AKAP13: variants seen among roughly 807,000 people sequenced by gnomAD.
AKAP13 encodes the protein A-kinase anchor protein 13.
Under a neutral mutation model 264.5 loss-of-function variants are expected in AKAP13, and 80 were observed. The observed-to-expected ratio is 0.30, with a 90% CI of 0.25 to 0.36. AKAP13 has a LOEUF of 0.36. AKAP13 is among the 10% of genes least tolerant of loss of function. AKAP13 has a pLI of 1.00. For synonymous variants in AKAP13, 1,380 were observed against 1,250.2 expected (o/e 1.10, Z -2.19); for missense variants, 3,712 against 3,435.2 (o/e 1.08, Z -2.01).
At chr15:85,707,033 T>C (rs917163202) in intron 17 of AKAP13, among the ~76,000 whole-genome samples, 1 of 152,166 alleles carries the variant, frequency 6.6e-6, no homozygotes, top group East Asian at 1.9e-4. Context: ...TGAGTTGATG[T>C]AGACAGGACC....
chr15:85,544,156 A>G (rs1046027612), intron 5 of AKAP13: 1 of 711,728 alleles, frequency 1.4e-6, no homozygotes, highest in Non-Finnish European at 2.5e-6. Context: ...AAGTCGTGTT[A>G]ACCATTTTCT....
intron 17 of AKAP13, among the ~76,000 whole-genome samples, chr15:85,701,434 G>GT (rs920286804): frequency 9.2e-5 from 14 of 151,694 alleles, no homozygotes; most frequent in Non-Finnish European, 1.3e-4. Flanking sequence ...TATTTGAGGG[G>GT]TTTTTTTTGT....
At chr15:85,596,140 C>G (rs1423774723) in intron 8 of AKAP13, among the ~76,000 whole-genome samples, 1 of 152,166 alleles carries the variant, frequency 6.6e-6, no homozygotes, top group Non-Finnish European at 1.5e-5. Context: ...AAATGCCTTT[C>G]ATAAAGTTCA....
chr15:85,580,527 C>G lies in AKAP13; in HGVS notation c.2459C>G (p.Thr820Arg). The G allele has an allele frequency of 6.2e-7, 1 of 1,614,214 alleles. No homozygotes were observed. The highest frequency in any genetic ancestry group is 8.5e-7 in the Non-Finnish European group (1 of 1,180,036). ...GGAACAGCAACTCCTGAACTACATA[C>G]AGCTACAGATTATAGAGATGGCCCA... ...EKGTATPELH[T>R]ATDYRDGPDG... The change falls in exon 7 of 37, where the codon ACA (threonine) becomes AGA (arginine). Residue 820 changes from threonine (T) to arginine (R), a missense_variant. By Grantham distance (71) the Thr-to-Arg change is moderately conservative (BLOSUM62 -1). This residue lies in a region of AKAP13 where 2,759 missense variants were observed against 2,411.7 expected (regional missense o/e 1.14). Transcript: ENST00000394518.
chr15:85,723,971 T>C (rs2087453784), intron 26 of AKAP13, among the ~76,000 whole-genome samples: 1 of 152,216 alleles, frequency 6.6e-6, no homozygotes, highest in Non-Finnish European at 1.5e-5. Flanking sequence ...GTTTTTTAAT[T>C]TATGTGTACA....
intron 8 of AKAP13, among the ~76,000 whole-genome samples, chr15:85,606,695 C>T (rs994776329): frequency 4.6e-5 from 7 of 152,224 alleles, no homozygotes; most frequent in East Asian, 1.9e-4. Context: ...AAGACTTTTC[C>T]GGTTTTGCCT....
intron 10 of AKAP13, among the ~76,000 whole-genome samples, chr15:85,650,782 A>AAAAAAAAAAC (rs2082786064): frequency 6.9e-6 from 1 of 145,176 alleles, no homozygotes. Context: ...AAAAAAAAAA[A>AAAAAAAAAAC]AAAAAAAACA....
intron 1 of AKAP13, among the ~76,000 whole-genome samples, chr15:85,401,461 A>G (rs2071417851): frequency 6.6e-6 from 1 of 152,212 alleles, no homozygotes; most frequent in African/African-American, 2.4e-5. Context: ...GGGCAAGGCC[A>G]GCTTTGATTT....
At chr15:85,416,137 G>A (rs2072234332) in intron 1 of AKAP13, among the ~76,000 whole-genome samples, 4 of 152,162 alleles carry the variant, frequency 2.6e-5, no homozygotes, top group Admixed American at 2.6e-4. Flanking sequence ...TAAAGAATAG[G>A]TTACTCTTTT....
At position 85,579,357 on chromosome 15, in the gene AKAP13, C is replaced by G. The variant is rs2079111724; in HGVS notation, c.1289C>G (p.Ser430Cys). The G allele has an allele frequency of 6.2e-7, 1 of 1,614,108 alleles. No individual in the cohort carries two copies. Reference protein sequence around the residue: ...NRNEETGTKSSGMPTDQESLS... With the variant: ...NRNEETGTKSCGMPTDQESLS... ...AATGAAGAAACTGGAACAAAATCTT[C>G]TGGAATGCCCACAGACCAGGAGTCC... Residue 430 changes from serine to cysteine, a missense_variant, in exon 7 of 37, where the codon TCT (serine) becomes TGT (cysteine). Physicochemically the swap from Ser to Cys is moderately radical, Grantham distance 112. This residue lies in a region of AKAP13 where 2,759 missense variants were observed against 2,411.7 expected (regional missense o/e 1.14). Coordinates refer to ENST00000394518, the MANE Select transcript of AKAP13 (RefSeq NM_007200.5).
Position 85,745,022 on chromosome 15 carries a change from G to C in AKAP13, c.*345G>C. 1 of 217,550 alleles carries C rather than the reference G, an allele frequency of 4.6e-6. No individual in the cohort carries two copies. Among genetic ancestry groups the C allele is most frequent in the Non-Finnish European group, 9.1e-6 (1 of 109,522 alleles). The allele number at this position is 217,550 out of a possible 1,614,324, so 13.5% of individuals were successfully genotyped here. A position where few individuals can be genotyped will look rare whatever the true frequency, so the allele number is the denominator to read the frequency against. ...GGCTGAAAGAGTGTATCCAAGTAAG[G>C]TCTGAACCTCCGAATGCCTTTTATT... is the stretch of plus-strand genomic sequence containing the variant. On this transcript the variant is annotated 3_prime_UTR_variant, in exon 37 of 37. Coordinates refer to ENST00000394518, the MANE Select transcript of AKAP13 (RefSeq NM_007200.5).
At chr15:85,407,297 G>A (rs2071718237) in intron 1 of AKAP13, among the ~76,000 whole-genome samples, 2 of 147,868 alleles carry the variant, frequency 1.4e-5, no homozygotes, top group Non-Finnish European at 3.0e-5. Context: ...GTGCGATCTG[G>A]GCTCACTGCA....
At chr15:85,655,323 A>G in intron 10 of AKAP13, 94 bp from the exon 11 acceptor site, 1 of 1,470,708 alleles carries the variant, frequency 6.8e-7, no homozygotes, top group Non-Finnish European at 9.1e-7. Flanking sequence ...CCTGCCTGGA[A>G]TCCACTGAGA....
At chr15:85,432,706 T>G (rs902284088) in intron 1 of AKAP13, among the ~76,000 whole-genome samples, 2 of 152,134 alleles carry the variant, frequency 1.3e-5, no homozygotes, top group African/African-American at 4.8e-5. Flanking sequence ...GTGAAAAAAA[T>G]GGTCCATGAT....
Position 85,515,024 on chromosome 15 carries a change from T to C in AKAP13, c.34-6404T>C, listed in dbSNP as rs184012796. 1.2e-4 allele frequency among the ~76,000 whole-genome samples: 16 copies of C among 138,092 alleles called. 2 individuals are homozygous for C. Among genetic ancestry groups the C allele is most frequent in the Admixed American group, 1.1e-3 (15 of 13,754 alleles). The allele number at this position is 138,092 out of a possible 152,430, so 90.6% of individuals were successfully genotyped here. ...AAATTTGGGAAGGCCTGTGAAACTT[T>C]TAAGATTCTGGATTGAAAGGTAGTT... On this transcript the variant is annotated intron_variant, in intron 2 of 36. Coordinates refer to ENST00000394518, the MANE Select transcript of AKAP13 (RefSeq NM_007200.5).
chr15:85,679,023 G>A (rs770422952), intron 14 of AKAP13, among the ~76,000 whole-genome samples: 15 of 152,106 alleles, frequency 9.9e-5, no homozygotes, highest in Admixed American at 6.5e-4. Flanking sequence ...GGCGGATCAC[G>A]AGGTCGGGAG....
At chr15:85,740,536 G>A (rs1225947261) in intron 34 of AKAP13, 3 of 467,352 alleles carry the variant, frequency 6.4e-6, no homozygotes, top group Admixed American at 7.1e-5. Flanking sequence ...GCATCTGGGA[G>A]ATTACTTCAC....
intron 17 of AKAP13, among the ~76,000 whole-genome samples, chr15:85,703,719 G>C (rs1418002534): frequency 6.6e-6 from 1 of 151,766 alleles, no homozygotes; most frequent in Non-Finnish European, 1.5e-5. Flanking sequence ...GGCATGGACC[G>C]GTAATCCCAG....
At chr15:85,467,464 C>G (rs2074787017) in intron 1 of AKAP13, among the ~76,000 whole-genome samples, 1 of 152,086 alleles carries the variant, frequency 6.6e-6, no homozygotes, top group Non-Finnish European at 1.5e-5. Flanking sequence ...TCTCTGTGAA[C>G]ATACACACAG....
Sources: gnomAD v4.1 joint callset for allele counts (sites outside exome capture counted in the v4.1 genomes callset) on GRCh38, gnomAD v4.1.1 for gene constraint, gnomAD v4.1.1 regional missense constraint, MANE v1.5 for transcripts, NCBI Gene and HGNC (gene_info 2026-07-23, HGNC 2026-07-21) for gene names.